MSANTD2: variants seen among roughly 807,000 people sequenced by gnomAD.
MSANTD2 encodes the protein myb/SANT-like DNA-binding domain-containing protein 2.
In MSANTD2, 19 loss-of-function variants were observed where a neutral mutation model predicts 52.6. The ratio of observed to expected loss-of-function variants is 0.36; its 90% CI spans 0.25 to 0.53. The LOEUF (loss-of-function observed/expected upper bound fraction) is 0.53. Among genes scored for constraint, MSANTD2 ranks in the 20% least tolerant of loss-of-function variants. MSANTD2 has a pLI of 0.91. For synonymous variants in MSANTD2, 291 were observed against 289.7 expected (o/e 1.00, Z -0.04); for missense variants, 558 against 716.3 (o/e 0.78, Z 2.52).
chr11:124,784,148 C>T (rs991216775), intron 1 of MSANTD2: 21 of 984,840 alleles, frequency 2.1e-5, no homozygotes, highest in South Asian at 4.7e-5. Context: ...TTCCTCCTCA[C>T]CTGAAAGGGA....
chr11:124,779,232 C>T lies in MSANTD2; in HGVS notation c.511-4258G>A, dbSNP rs1944858477. 1 of 152,186 alleles carries T rather than the reference C, an allele frequency of 6.6e-6. No individual in the cohort carries two copies. Among genetic ancestry groups the T allele is most frequent in the Non-Finnish European group, 1.5e-5 (1 of 68,044 alleles). 9.4% of individuals were successfully genotyped at this position (152,186 alleles called of 1,614,324 possible). A position where few individuals can be genotyped will look rare whatever the true frequency, so the allele number is the denominator to read the frequency against. On this transcript the variant is annotated intron_variant, in intron 1 of 3. Coordinates refer to ENST00000374979, the MANE Select transcript of MSANTD2 (RefSeq NM_001308027.2). This position sits in a 1 kb window ranked among gnomAD's most constrained non-coding sequence, Gnocchi z 4.6. ...GATCTATAAGCAGGGACAGTGGTTTCATCAAAGCCCTTCCTGACATTACCT... is the reference window on the plus strand; with the variant it reads ...GATCTATAAGCAGGGACAGTGGTTTTATCAAAGCCCTTCCTGACATTACCT...
chr11:124,782,583 A>T (rs1447867513), intron 1 of MSANTD2, among the ~76,000 whole-genome samples: 8 of 152,214 alleles, frequency 5.3e-5, no homozygotes, highest in Admixed American at 3.9e-4. Context: ...CTTTAAGAGG[A>T]GTTTGGCATA....
At chr11:124,795,039 C>A (rs546073465) in intron 1 of MSANTD2, among the ~76,000 whole-genome samples, 3 of 152,066 alleles carry the variant, frequency 2.0e-5, no homozygotes, top group Admixed American at 6.6e-5. Flanking sequence ...CCACCACGCC[C>A]GGCTAATTTT....
chr11:124,790,503 C>A (rs1358381971), intron 1 of MSANTD2: 1 of 152,244 alleles, frequency 6.6e-6, no homozygotes, highest in African/African-American at 2.4e-5. Context: ...TTCTTCGAAA[C>A]AGGTCCTCGG....
intron 1 of MSANTD2, among the ~76,000 whole-genome samples, chr11:124,795,639 T>C (rs555096206): frequency 1.7e-4 from 26 of 152,354 alleles, no homozygotes; most frequent in African/African-American, 6.0e-4. Flanking sequence ...AAGCTTCAAT[T>C]GGATTTTATG....
chr11:124,781,012 G>A (rs1054701592), intron 1 of MSANTD2, among the ~76,000 whole-genome samples: 27 of 152,088 alleles, frequency 1.8e-4, no homozygotes, highest in Admixed American at 4.6e-4. Flanking sequence ...GCATAACCCC[G>A]TCTCTACTAA....
Position 124,766,841 on chromosome 11 carries a change from A to G in MSANTD2, c.*335T>C, listed in dbSNP as rs142530875. The G allele has an allele frequency of 2.2e-3, 423 of 192,486 alleles. 4 individuals are homozygous for G. The highest frequency in any genetic ancestry group is 9.2e-3 in the African/African-American group (395 of 43,098). 11.9% of individuals were successfully genotyped at this position (192,486 alleles called of 1,614,324 possible). On this transcript the variant is annotated 3_prime_UTR_variant, in exon 4 of 4. Coordinates refer to ENST00000374979, the MANE Select transcript of MSANTD2 (RefSeq NM_001308027.2). ...TTCAATTTCATATGAAACTCAAAGT[A>G]TAAGTTTTGTCCAATATGGAATGTA...
At chr11:124,788,895 T>G (rs1945249301) in intron 1 of MSANTD2, among the ~76,000 whole-genome samples, 1 of 152,220 alleles carries the variant, frequency 6.6e-6, no homozygotes, top group Admixed American at 6.5e-5. Flanking sequence ...TCAATGAATA[T>G]CATATTTGAG....
chr11:124,784,530 A>G (rs753113347), intron 1 of MSANTD2: 1,357 of 984,830 alleles, frequency 1.4e-3, no homozygotes, highest in Non-Finnish European at 1.6e-3. Context: ...TACCATTACA[A>G]CATCGTATTG....
intron 1 of MSANTD2, 106 bp downstream of exon 1, chr11:124,799,765 G>T: frequency 1.3e-6 from 1 of 751,690 alleles, no homozygotes. Context: ...CGCCCACCGG[G>T]CCCCGGAGGA....
intron 1 of MSANTD2, among the ~76,000 whole-genome samples, chr11:124,778,146 G>T (rs928266977): frequency 6.6e-6 from 1 of 152,130 alleles, no homozygotes; most frequent in Non-Finnish European, 1.5e-5. Flanking sequence ...CTAGAGCTGA[G>T]ATTACAATAA....
intron 1 of MSANTD2, 60 bp from the exon 2 acceptor site, chr11:124,775,034 C>A: frequency 3.5e-6 from 5 of 1,440,230 alleles, no homozygotes; most frequent in Non-Finnish European, 3.7e-6. Context: ...CAGGTACGGA[C>A]CACAGATATT....
intron 3 of MSANTD2, among the ~76,000 whole-genome samples, chr11:124,772,627 C>A (rs758375457): frequency 6.6e-6 from 1 of 151,546 alleles, no homozygotes; most frequent in African/African-American, 2.4e-5. Flanking sequence ...GTCCCAGCTA[C>A]GCTGGAGGCT....
At chr11:124,794,822 T>C (rs1371067506) in intron 1 of MSANTD2, among the ~76,000 whole-genome samples, 1 of 152,202 alleles carries the variant, frequency 6.6e-6, no homozygotes, top group Admixed American at 6.5e-5. Context: ...ATCTAAGCAA[T>C]GTCCCCAGAA....
chr11:124,771,800 T>C (rs770968302), intron 3 of MSANTD2, among the ~76,000 whole-genome samples: 1 of 152,212 alleles, frequency 6.6e-6, no homozygotes, highest in Admixed American at 6.5e-5. Flanking sequence ...GCCTGTTACC[T>C]ATCACAGCCC....
chr11:124,768,141 T>G, intron 3 of MSANTD2, 113 bp from the exon 4 acceptor site: 47 of 913,900 alleles, frequency 5.1e-5, no homozygotes, highest in Non-Finnish European at 7.6e-5. Context: ...TGGTGGCCAC[T>G]AGAACATGAA....
chr11:124,781,613 T>C (rs1425387603), intron 1 of MSANTD2, among the ~76,000 whole-genome samples: 1 of 152,116 alleles, frequency 6.6e-6, no homozygotes, highest in Non-Finnish European at 1.5e-5. Flanking sequence ...GTCTAATTTA[T>C]GACTCTATTA....
intron 1 of MSANTD2, among the ~76,000 whole-genome samples, chr11:124,785,782 A>G (rs566709771): frequency 6.6e-6 from 1 of 151,342 alleles, no homozygotes; most frequent in Non-Finnish European, 1.5e-5. Flanking sequence ...TGTATATATT[A>G]CATATATATT....
intron 1 of MSANTD2, among the ~76,000 whole-genome samples, chr11:124,797,455 T>C (rs491060): frequency 0.27 from 41,108 of 152,100 alleles, 5,704 homozygotes; most frequent in South Asian, 0.36. Context: ...TATGATCACG[T>C]TACTGCACTC....
Sources: gnomAD v4.1 joint callset for allele counts (sites outside exome capture counted in the v4.1 genomes callset) on GRCh38, gnomAD v4.1.1 for gene constraint, Gnocchi (gnomAD v3.1) non-coding constraint, MANE v1.5 for transcripts, NCBI Gene and HGNC (gene_info 2026-07-23, HGNC 2026-07-21) for gene names.